SLIT2: variants seen among roughly 807,000 people sequenced by gnomAD.
SLIT2 encodes the protein slit homolog 2 protein.
In SLIT2, 41 loss-of-function variants were observed where a neutral mutation model predicts 185.7. That is an observed-to-expected ratio of 0.22 (90% CI 0.17 to 0.29). SLIT2 has a LOEUF of 0.29. Ranked by LOEUF, SLIT2 falls within the 10% of genes least tolerant of loss-of-function variation. The pLI, the probability that SLIT2 is intolerant of heterozygous loss-of-function variation, is 1.00. For synonymous variants in SLIT2, 693 were observed against 680.2 expected (o/e 1.02, Z -0.29); for missense variants, 1,571 against 1,909.0 (o/e 0.82, Z 3.30).
Position 20,524,102 on chromosome 4 carries a change from G to A in SLIT2, c.1363G>A (p.Ala455Thr), listed in dbSNP as rs1182227750. The change falls in exon 14 of 37, where the codon GCC becomes ACC. Residue 455 changes from alanine to threonine, a missense_variant. Physicochemically the swap from Ala to Thr is moderately conservative, Grantham distance 58. Transcript: ENST00000504154. Reference sequence around the variant, plus strand: ...TACCAACCCGATTGAGACCAGTGGTGCCCGTTGCACCAGCCCCCGCCGCCT... The same window carrying A: ...TACCAACCCGATTGAGACCAGTGGTACCCGTTGCACCAGCCCCCGCCGCCT... ...LHTNPIETSG[A>T]RCTSPRRLAN... 1 of 1,614,126 alleles carries A rather than the reference G, an allele frequency of 6.2e-7. No homozygotes were observed. The highest frequency in any genetic ancestry group is 8.5e-7 in the Non-Finnish European group (1 of 1,179,992).
Position 20,449,234 on chromosome 4 carries a change from T to C in SLIT2, c.396-18518T>C, listed in dbSNP as rs573917031. On this transcript the variant is annotated intron_variant, in intron 4 of 36. Transcript: ENST00000504154. ...AATCCAGGTAGGATTATTTGGAAAC[T>C]TAGTTTCATTTTTCTATTTATGCTT... 7.2e-5 allele frequency among the ~76,000 whole-genome samples: 11 copies of C among 152,270 alleles called. No individual in the cohort carries two copies. The South Asian group carries it at 1.9e-3, about 26-fold the overall frequency.
intron 4 of SLIT2, among the ~76,000 whole-genome samples, chr4:20,428,112 T>C (rs918849144): frequency 2.0e-5 from 3 of 152,250 alleles, no homozygotes; most frequent in Admixed American, 6.5e-5. Context: ...TGTTTGACTC[T>C]TAATGTCATG....
chr4:20,456,106 T>C (rs530713523), intron 4 of SLIT2, among the ~76,000 whole-genome samples: 2 of 152,236 alleles, frequency 1.3e-5, no homozygotes, highest in South Asian at 2.1e-4. Context: ...CTTGCTGTTC[T>C]CAAACAGTTA....
At chr4:20,494,301 T>A (rs553095844) in intron 9 of SLIT2, among the ~76,000 whole-genome samples, 1 of 152,230 alleles carries the variant, frequency 6.6e-6, no homozygotes, top group Non-Finnish European at 1.5e-5. Flanking sequence ...TGGCATTTGA[T>A]GAGATAAAGG....
intron 4 of SLIT2, among the ~76,000 whole-genome samples, chr4:20,328,609 G>C (rs947366772): frequency 2.6e-5 from 4 of 151,856 alleles, no homozygotes; most frequent in Non-Finnish European, 4.4e-5. Flanking sequence ...AATTATATTT[G>C]AAAATTGAGT....
intron 4 of SLIT2, among the ~76,000 whole-genome samples, chr4:20,281,269 G>A (rs562390743): frequency 1.3e-5 from 2 of 152,290 alleles, no homozygotes; most frequent in African/African-American, 4.8e-5. Context: ...CTCAAACATC[G>A]CTAGTGGTAG....
chr4:20,590,898 G>A (rs1393153451), intron 30 of SLIT2, among the ~76,000 whole-genome samples: 4 of 152,168 alleles, frequency 2.6e-5, no homozygotes, highest in Admixed American at 2.0e-4. Context: ...ATACTTACCA[G>A]TTGGGTGATT....
chr4:20,450,688 A>G (rs1712375336), intron 4 of SLIT2, among the ~76,000 whole-genome samples: 1 of 152,188 alleles, frequency 6.6e-6, no homozygotes, highest in South Asian at 2.1e-4. Flanking sequence ...ACCCTCTTCC[A>G]ATTTTAGACA....
chr4:20,497,673 C>T (rs1172744925), intron 9 of SLIT2, among the ~76,000 whole-genome samples: 1 of 152,184 alleles, frequency 6.6e-6, no homozygotes, highest in Non-Finnish European at 1.5e-5. Flanking sequence ...GCACTTACCA[C>T]AGTTTAACTT....
intron 9 of SLIT2, among the ~76,000 whole-genome samples, chr4:20,509,359 A>C (rs1719498535): frequency 6.6e-6 from 1 of 152,080 alleles, no homozygotes; most frequent in African/African-American, 2.4e-5. Flanking sequence ...CAGGGCTATA[A>C]GGACAGAAGA....
chr4:20,253,740 A>G lies in SLIT2; in HGVS notation c.-76A>G, dbSNP rs1722219959. The G allele has an allele frequency of 1.9e-6, 3 of 1,546,708 alleles. No individual in the cohort carries two copies. The African/African-American group carries it at 4.1e-5, about 21-fold the overall frequency. On this transcript the variant is annotated 5_prime_UTR_variant, in exon 1 of 37. Transcript: ENST00000504154. ...AGCCCCGCCGGGCACTGGGCCTCAG[A>G]CACTGCGCGGTTCCCTCGGAGCAGC... is the stretch of plus-strand genomic sequence containing the variant.
chr4:20,583,066 A>T lies in SLIT2; in HGVS notation c.3089-6578A>T, dbSNP rs529681921. Among the ~76,000 whole-genome samples the T allele has an allele frequency of 2.0e-5, 3 of 152,364 alleles. No homozygotes were observed. The South Asian group carries it at 6.2e-4, about 32-fold the overall frequency. On this transcript the variant is annotated intron_variant, in intron 29 of 36. Transcript: ENST00000504154. ...TTATTTCTGGAATTTTCCATTTAAT[A>T]TGTTTTGGCCGCTGTTAACAGTGGG...
intron 11 of SLIT2, among the ~76,000 whole-genome samples, chr4:20,516,712 G>C (rs1177591980): frequency 6.6e-6 from 1 of 151,986 alleles, no homozygotes; most frequent in Admixed American, 6.6e-5. Context: ...CTGTCATTTT[G>C]ATCTCATTGC....
chr4:20,424,532 A>C lies in SLIT2; in HGVS notation c.396-43220A>C, dbSNP rs542536679. Among the ~76,000 whole-genome samples the C allele has an allele frequency of 4.6e-5, 7 of 152,222 alleles. No homozygotes were observed. In the South Asian group the frequency reaches 1.4e-3, roughly 32 times the overall value. On this transcript the variant is annotated intron_variant, in intron 4 of 36. Transcript: ENST00000504154. ...GTAACCATTTATTCACAGAACATAC[A>C]TGTCATTTTCTATTTGTCGTCTAAT...
intron 12 of SLIT2, among the ~76,000 whole-genome samples, chr4:20,522,148 C>T (rs984775321): frequency 4.3e-4 from 66 of 152,194 alleles, no homozygotes; most frequent in African/African-American, 1.5e-3. Context: ...TTCACCTCTT[C>T]GGGCCATTCA....
chr4:20,446,010 C>T (rs889649217), intron 4 of SLIT2, among the ~76,000 whole-genome samples: 3 of 152,196 alleles, frequency 2.0e-5, no homozygotes, highest in African/African-American at 7.2e-5. Flanking sequence ...TCCTCTTGTT[C>T]ATTCTCCATC....
At chr4:20,384,618 C>A (rs1397637902) in intron 4 of SLIT2, among the ~76,000 whole-genome samples, 1 of 152,054 alleles carries the variant, frequency 6.6e-6, no homozygotes, top group Non-Finnish European at 1.5e-5. Flanking sequence ...GAGTTGTGGG[C>A]TGCTAAATGG....
At chr4:20,489,064 G>A (rs1017351845) in intron 8 of SLIT2, 82 bp downstream of exon 8, 5 of 1,143,788 alleles carry the variant, frequency 4.4e-6, no homozygotes, top group Non-Finnish European at 5.1e-6. Context: ...TGCGTCAAAG[G>A]TTTCAGTATT....
At chr4:20,423,025 T>C (rs1728281389) in intron 4 of SLIT2, among the ~76,000 whole-genome samples, 1 of 152,082 alleles carries the variant, frequency 6.6e-6, no homozygotes, top group Admixed American at 6.6e-5. Context: ...TTTTTAATGC[T>C]TTCTATGACA....
Sources: allele counts gnomAD v4.1 joint callset (sites outside exome capture counted in the v4.1 genomes callset), GRCh38; gene constraint gnomAD v4.1.1; transcripts MANE v1.5; gene names NCBI Gene and HGNC (gene_info 2026-07-23, HGNC 2026-07-21).